The following CDK5RAP2 variants were observed in gnomAD, a reference collection of about 807,000 sequenced individuals.
CDK5RAP2 encodes the protein CDK5 regulatory subunit-associated protein 2.
Under a neutral mutation model 232.9 loss-of-function variants are expected in CDK5RAP2, and 147 were observed. The observed-to-expected ratio is 0.63, with a 90% confidence interval of 0.55 to 0.72. CDK5RAP2 has a LOEUF of 0.72. CDK5RAP2 is among the 30% of genes least tolerant of loss of function. The pLI, the probability that CDK5RAP2 is intolerant of heterozygous loss-of-function variation, is 0.00. For synonymous variants in CDK5RAP2, 833 were observed against 833.7 expected (o/e 1.00, Z 0.01); for missense variants, 2,195 against 2,231.5 (o/e 0.98, Z 0.33).
chr9:120,490,676 T>C (rs1707210410), intron 13 of CDK5RAP2, among the ~76,000 whole-genome samples: 1 of 152,238 alleles, frequency 6.6e-6, no homozygotes, highest in South Asian at 2.1e-4. Flanking sequence ...CTTTGTTTTT[T>C]TCTTTTTACC....
Position 120,411,466 on chromosome 9 carries a change from T to C in CDK5RAP2, c.4306A>G (p.Ser1436Gly), listed in dbSNP as rs1316940946. ...AGCTCTGAACCAGAAGCAAAAATGC[T>C]TGTAGAACCTATAAAAACACACATA... The part of the protein sequence containing the change: ...QGSEFVQGST[S>G]IFASGSELHS... The change falls in exon 29 of 38, where the codon AGC becomes GGC. Residue 1436 changes from serine to glycine, a missense_variant. Ser to Gly is a moderately conservative substitution (Grantham distance 56). Coordinates refer to ENST00000349780, the MANE Select transcript of CDK5RAP2 (RefSeq NM_018249.6). 4 of 1,574,560 alleles carry C rather than the reference T, an allele frequency of 2.5e-6. No individual in the cohort carries two copies. Among genetic ancestry groups the C allele is most frequent in the Non-Finnish European group, 3.5e-6 (4 of 1,144,446 alleles).
At chr9:120,436,529 T>A (rs1238275310) in intron 25 of CDK5RAP2, among the ~76,000 whole-genome samples, 1 of 152,218 alleles carries the variant, frequency 6.6e-6, no homozygotes, top group Non-Finnish European at 1.5e-5. Context: ...CAACACCTTT[T>A]CTGATTGTGA....
chr9:120,422,316 G>C (rs2034612967), intron 26 of CDK5RAP2, among the ~76,000 whole-genome samples: 1 of 152,184 alleles, frequency 6.6e-6, no homozygotes, highest in South Asian at 2.1e-4. Flanking sequence ...GGGTACATCA[G>C]GGGAAGGGAA....
intron 12 of CDK5RAP2, among the ~76,000 whole-genome samples, chr9:120,508,260 G>C (rs1004569943): frequency 1.3e-5 from 2 of 152,108 alleles, no homozygotes; most frequent in African/African-American, 4.8e-5. Context: ...TAGTAGGTGA[G>C]AGCACTGTTC....
chr9:120,549,353 C>G (rs1000827237), intron 4 of CDK5RAP2, among the ~76,000 whole-genome samples: 1 of 152,126 alleles, frequency 6.6e-6, no homozygotes, highest in Admixed American at 6.5e-5. Context: ...GACCAGGACA[C>G]AAGGGTGGAA....
In CDK5RAP2 at chr9:120,407,257, A is replaced by T. The variant is rs568636005; in HGVS notation, c.4727-9T>A. Reference sequence around the variant, plus strand: ...GCCTTCTCCCGACGCCTCTGAGGACATGTGCAAAGAGAAGCCCTGACATCT... The same window carrying T: ...GCCTTCTCCCGACGCCTCTGAGGACTTGTGCAAAGAGAAGCCCTGACATCT... On this transcript the variant is annotated splice_polypyrimidine_tract_variant and intron_variant, in intron 31 of 37. Transcript: ENST00000349780. 1.2e-6 allele frequency: 2 copies of T among 1,601,810 alleles called. No individual in the cohort carries two copies. The highest frequency in any genetic ancestry group is 1.7e-5 in the Admixed American group (1 of 60,012).
chr9:120,410,404 G>A (rs1347402937), intron 29 of CDK5RAP2, among the ~76,000 whole-genome samples: 2 of 152,080 alleles, frequency 1.3e-5, no homozygotes, highest in African/African-American at 4.8e-5. Context: ...CCTTCGCTAA[G>A]CCCTCCTCAT....
rs1191107717 is a variant in CDK5RAP2 at position 120,400,742 on chromosome 9, C to G, written c.5451G>C (p.Gln1817His). Residue 1817 changes from glutamine to histidine, a missense_variant and splice_region_variant, in exon 35 of 38, where the codon CAG (glutamine) becomes CAC (histidine). Coordinates refer to ENST00000349780, the MANE Select transcript of CDK5RAP2 (RefSeq NM_018249.6). The part of the protein sequence containing the change: ...EDGQCPLHCE[Q>H]IGEMKAEVTK... ...CTCTGAAACATGTGTCACCACCTAC[C>G]TGCTCACAGTGAAGGGGGCACTGGC... The G allele has an allele frequency of 6.2e-7, 1 of 1,613,450 alleles. No homozygotes were observed. Among genetic ancestry groups the G allele is most frequent in the Non-Finnish European group, 8.5e-7 (1 of 1,180,042 alleles).
At chr9:120,483,874 A>G (rs1219101444) in intron 14 of CDK5RAP2, among the ~76,000 whole-genome samples, 1 of 152,224 alleles carries the variant, frequency 6.6e-6, no homozygotes, top group Non-Finnish European at 1.5e-5. Context: ...TTAATGGATC[A>G]CTTCTTGGTA....
At chr9:120,536,643 C>T (rs1365148192) in intron 6 of CDK5RAP2, 117 bp from the exon 7 acceptor site, 7 of 1,000,720 alleles carry the variant, frequency 7.0e-6, no homozygotes, top group South Asian at 6.9e-5. Context: ...ATTTCCCCTC[C>T]CTGAATTGTA....
chr9:120,391,597 C>A (rs953524124), intron 36 of CDK5RAP2, among the ~76,000 whole-genome samples: 1 of 152,228 alleles, frequency 6.6e-6, no homozygotes, highest in Non-Finnish European at 1.5e-5. Flanking sequence ...AAATGAGGAC[C>A]TGAGGCAGCT....
At chr9:120,436,661 T>TA (rs1330455038) in intron 25 of CDK5RAP2, among the ~76,000 whole-genome samples, 1 of 151,998 alleles carries the variant, frequency 6.6e-6, no homozygotes, top group Non-Finnish European at 1.5e-5. Context: ...AAGATAATAA[T>TA]AGAGCGCGTG....
At chr9:120,525,780 C>T (rs967825678) in intron 10 of CDK5RAP2, among the ~76,000 whole-genome samples, 2 of 152,084 alleles carry the variant, frequency 1.3e-5, no homozygotes, top group African/African-American at 4.8e-5. Flanking sequence ...CCATATCCAG[C>T]TACTTTTTTG....
intron 2 of CDK5RAP2, among the ~76,000 whole-genome samples, chr9:120,570,199 G>A (rs1198495965): frequency 6.6e-6 from 1 of 152,174 alleles, no homozygotes; most frequent in African/African-American, 2.4e-5. Flanking sequence ...GGCAGACTGT[G>A]AAGGGCACGC....
At chr9:120,579,886 C>T (rs764423106) in intron 1 of CDK5RAP2, 34 bp downstream of exon 1, 3 of 1,583,178 alleles carry the variant, frequency 1.9e-6, no homozygotes, top group Non-Finnish European at 2.6e-6. Flanking sequence ...GAACCCCGGC[C>T]CGGTTACCAC....
chr9:120,525,313 C>G (rs1031923939), intron 10 of CDK5RAP2, among the ~76,000 whole-genome samples: 2 of 152,218 alleles, frequency 1.3e-5, no homozygotes, highest in Non-Finnish European at 2.9e-5. Flanking sequence ...CCACCGCTCA[C>G]CCAGCTATTG....
At chr9:120,574,646 C>G (rs2042963600) in intron 1 of CDK5RAP2, among the ~76,000 whole-genome samples, 1 of 152,194 alleles carries the variant, frequency 6.6e-6, no homozygotes, top group South Asian at 2.1e-4. Flanking sequence ...GAAACCTGCC[C>G]TTGTATGGGG....
chr9:120,578,648 C>T (rs2043129292), intron 1 of CDK5RAP2, among the ~76,000 whole-genome samples: 1 of 151,514 alleles, frequency 6.6e-6, no homozygotes, highest in South Asian at 2.1e-4. Flanking sequence ...CTCACTGCAG[C>T]ATCAACCTTC....
intron 25 of CDK5RAP2, among the ~76,000 whole-genome samples, chr9:120,425,902 G>C (rs902849338): frequency 1.2e-4 from 19 of 152,206 alleles, no homozygotes; most frequent in African/African-American, 4.3e-4. Context: ...GGACCCAAAA[G>C]ACAACTGCAC....
Sources: allele counts gnomAD v4.1 joint callset (sites outside exome capture counted in the v4.1 genomes callset), GRCh38; gene constraint gnomAD v4.1.1; transcripts MANE v1.5; gene names NCBI Gene and HGNC (gene_info 2026-07-23, HGNC 2026-07-21).